SOX6: variants seen among roughly 807,000 people sequenced by gnomAD.
The protein encoded by SOX6 is SRY-box transcription factor 6.
A neutral mutation model predicts 97.8 loss-of-function variants in SOX6; 11 were observed. That is an observed-to-expected ratio of 0.11 (90% CI 0.07 to 0.19). The LOEUF (loss-of-function observed/expected upper bound fraction) is 0.19. Ranked by LOEUF, SOX6 falls within the 10% of genes least tolerant of loss-of-function variation. SOX6 has a pLI of 1.00. For missense variants in SOX6, 810 were observed against 1,039.5 expected (o/e 0.78, Z 3.04); for synonymous variants, 360 against 371.4 (o/e 0.97, Z 0.35).
At chr11:16,012,011 T>C (rs1854745455) in intron 13 of SOX6, among the ~76,000 whole-genome samples, 1 of 151,880 alleles carries the variant, frequency 6.6e-6, no homozygotes, top group Non-Finnish European at 1.5e-5. Flanking sequence ...TTTAAAGAGG[T>C]CAAGGACATC....
At chr11:16,080,441 A>G (rs1848449099) in intron 9 of SOX6, among the ~76,000 whole-genome samples, 1 of 152,058 alleles carries the variant, frequency 6.6e-6, no homozygotes. Flanking sequence ...AATAGAACCT[A>G]CTCTGAAAGA....
At chr11:16,347,974 G>T (rs1364293882) in intron 1 of SOX6, among the ~76,000 whole-genome samples, 1 of 151,718 alleles carries the variant, frequency 6.6e-6, no homozygotes, top group African/African-American at 2.4e-5. Context: ...ATAAGTTTCA[G>T]GTTCCTATTC....
chr11:16,095,870 A>C (rs927343845), intron 9 of SOX6, 126 bp downstream of exon 9: 3 of 1,135,892 alleles, frequency 2.6e-6, no homozygotes, highest in African/African-American at 1.6e-5. Context: ...AATGAGAAAA[A>C]GGGAAAGATT....
intron 1 of SOX6, among the ~76,000 whole-genome samples, chr11:16,364,889 C>T (rs2134382984): frequency 6.6e-6 from 1 of 152,122 alleles, no homozygotes; most frequent in South Asian, 2.1e-4. Context: ...ATTATTTAAG[C>T]CTCAATTTTC....
At chr11:16,145,244 A>G (rs1488574430) in intron 6 of SOX6, among the ~76,000 whole-genome samples, 1 of 152,362 alleles carries the variant, frequency 6.6e-6, no homozygotes, top group Admixed American at 6.5e-5. Context: ...AACCAAAGAC[A>G]AAAACCACAT....
At chr11:16,203,680 A>G (rs1050940379) in intron 4 of SOX6, among the ~76,000 whole-genome samples, 3 of 152,130 alleles carry the variant, frequency 2.0e-5, no homozygotes, top group Non-Finnish European at 4.4e-5. Context: ...TGTTCCCTCC[A>G]TTGGTTCAAA....
At chr11:16,534,408 G>T (rs529846375) in intron 4 of SOX6, among the ~76,000 whole-genome samples, 4 of 151,962 alleles carry the variant, frequency 2.6e-5, no homozygotes, top group African/African-American at 9.7e-5. Flanking sequence ...TTGGACTTAG[G>T]TTTCTTCTAG....
At chr11:16,628,257 A>G (rs2133993733) in intron 3 of SOX6, among the ~76,000 whole-genome samples, 1 of 152,174 alleles carries the variant, frequency 6.6e-6, no homozygotes, top group African/African-American at 2.4e-5. Context: ...TTTTTTCTTA[A>G]GATTGCTTTG....
chr11:16,626,932 T>C (rs1451439458), intron 3 of SOX6, among the ~76,000 whole-genome samples: 5 of 152,194 alleles, frequency 3.3e-5, no homozygotes, highest in Non-Finnish European at 7.3e-5. Context: ...ACCCAGGCAG[T>C]GAACATAATA....
At chr11:16,643,320 C>T (rs200889150) in intron 3 of SOX6, among the ~76,000 whole-genome samples, 11 of 152,146 alleles carry the variant, frequency 7.2e-5, no homozygotes, top group Non-Finnish European at 1.6e-4. Context: ...GTCAGTCTGC[C>T]CCTACTGGGG....
intron 1 of SOX6, among the ~76,000 whole-genome samples, chr11:16,394,312 G>A (rs1433289982): frequency 6.6e-6 from 1 of 151,740 alleles, no homozygotes; most frequent in Non-Finnish European, 1.5e-5. Context: ...AAAACATAAG[G>A]TGCAATGTTA....
In SOX6 at chr11:16,225,785, G is replaced by A. The variant is rs1369584989; in HGVS notation, c.535+8797C>T. The stretch of plus-strand genomic sequence containing the variant: ...CTTTTGTGTTTCTGTGCACTCCTCC[G>A]AAGATTTATGCTTGCAATCAAAACT... On this transcript the variant is annotated intron_variant, in intron 4 of 15. Coordinates refer to ENST00000683767, the MANE Select transcript of SOX6 (RefSeq NM_001367873.1). Among the ~76,000 whole-genome samples, 7 of 152,122 alleles carry A rather than the reference G, an allele frequency of 4.6e-5. No individual in the cohort carries two copies. In the South Asian group the frequency reaches 6.2e-4, roughly 13 times the overall value.
Position 16,097,675 on chromosome 11 carries a change from G to A in SOX6, c.912C>T (p.Pro304=), listed in dbSNP as rs772358464. 9.9e-6 allele frequency: 16 copies of A among 1,610,898 alleles called. No homozygotes were observed. Among genetic ancestry groups the A allele is most frequent in the Non-Finnish European group, 1.1e-5 (13 of 1,177,812 alleles). ...GITYKPGDNY[P]VQFIPSTMAA... ...CCATTGTTGATGGAATGAACTGTACGGGGTAGTTATCACCTGTCGGAAAGA... is the reference window on the plus strand; with the variant it reads ...CCATTGTTGATGGAATGAACTGTACAGGGTAGTTATCACCTGTCGGAAAGA... Residue 304 remains proline (P), a synonymous_variant, in exon 8 of 16, where the codon CCC becomes CCT. Coordinates refer to ENST00000683767, the MANE Select transcript of SOX6 (RefSeq NM_001367873.1).
chr11:16,152,703 A>G lies in SOX6; in HGVS notation c.777+31183T>C, dbSNP rs530316002. ...TAGACACACACACAGAGAGACTCAC[A>G]TACATTCTCAAAAATAGCTTTGATA... On this transcript the variant is annotated intron_variant, in intron 6 of 15. Transcript: ENST00000683767. Among the ~76,000 whole-genome samples the G allele has an allele frequency of 2.0e-5, 3 of 152,288 alleles. No homozygotes were observed. In the South Asian group the frequency reaches 6.2e-4, roughly 32 times the overall value.
chr11:16,274,219 T>A (rs1854332741), intron 3 of SOX6, among the ~76,000 whole-genome samples: 1 of 152,100 alleles, frequency 6.6e-6, no homozygotes, highest in Admixed American at 6.6e-5. Flanking sequence ...ATGCTAAAAA[T>A]AAACATTGAT....
chr11:16,074,373 C>A (rs907494865), intron 9 of SOX6, among the ~76,000 whole-genome samples: 6 of 152,132 alleles, frequency 3.9e-5, no homozygotes, highest in Non-Finnish European at 8.8e-5. Context: ...AAACATACAA[C>A]TGCCAAAAAT....
At chr11:16,099,423 G>A (rs1352448721) in intron 7 of SOX6, among the ~76,000 whole-genome samples, 1 of 151,584 alleles carries the variant, frequency 6.6e-6, no homozygotes, top group East Asian at 1.9e-4. Flanking sequence ...ACAAAACGAT[G>A]CTGAATTAAT....
rs1022447799 is a variant in SOX6, at chr11:16,431,372, T to C, written c.-5+44943A>G. Among the ~76,000 whole-genome samples, 14 of 152,232 alleles carry C rather than the reference T, an allele frequency of 9.2e-5. No homozygotes were observed. In the East Asian group the frequency reaches 2.5e-3, roughly 27 times the overall value. On this transcript the variant is annotated intron_variant, in intron 1 of 15. Transcript: ENST00000396356. Reference sequence around the variant, plus strand: ...ATTCTCTCAAACAGTACCCAGCACATAGTTGACTCTACATCTAAGATGATA... The same window carrying C: ...ATTCTCTCAAACAGTACCCAGCACACAGTTGACTCTACATCTAAGATGATA...
intron 12 of SOX6, among the ~76,000 whole-genome samples, chr11:16,046,161 A>G (rs1191940394): frequency 2.0e-5 from 3 of 152,172 alleles, no homozygotes; most frequent in Non-Finnish European, 4.4e-5. Context: ...ATTAGTCTTC[A>G]TTGTAAACAC....
Sources: allele counts gnomAD v4.1 joint callset (sites outside exome capture counted in the v4.1 genomes callset), GRCh38; gene constraint gnomAD v4.1.1; transcripts MANE v1.5; gene names NCBI Gene and HGNC (gene_info 2026-07-23, HGNC 2026-07-21).